CFAP69: variants seen among roughly 807,000 people sequenced by gnomAD.
The protein encoded by CFAP69 is cilia- and flagella-associated protein 69.
A neutral mutation model predicts 123.0 loss-of-function variants in CFAP69; 92 were observed. The ratio of observed to expected loss-of-function variants is 0.75; its 90% CI spans 0.63 to 0.89. The LOEUF (loss-of-function observed/expected upper bound fraction) is 0.89. Among genes scored for constraint, CFAP69 ranks in the 40% least tolerant of loss-of-function variants. The probability of loss-of-function intolerance (pLI) is 0.00; values close to 1 mark genes in which losing one functional copy is unlikely to be tolerated. For synonymous variants in CFAP69, 380 were observed against 364.3 expected, an observed-to-expected ratio of 1.04 and a Z score of -0.49; for missense variants, 1,067 against 1,096.9, an observed-to-expected ratio of 0.97 and a Z score of 0.39.
At chr7:90,276,303 G>T (rs1405287014) in intron 9 of CFAP69, among the ~76,000 whole-genome samples, 2 of 152,168 alleles carry the variant, frequency 1.3e-5, no homozygotes, top group Non-Finnish European at 2.9e-5. Flanking sequence ...CAACTTATAG[G>T]TAGACCTTTG....
intron 12 of CFAP69, among the ~76,000 whole-genome samples, chr7:90,281,451 G>T (rs1385400961): frequency 1.3e-5 from 2 of 152,110 alleles, no homozygotes; most frequent in Non-Finnish European, 2.9e-5. Context: ...ACTGGGTCAT[G>T]GAGAGACCAA....
the CFAP69 span, among the ~76,000 whole-genome samples, chr7:90,323,296 G>A: frequency 6.6e-6 from 1 of 152,218 alleles, no homozygotes; most frequent in East Asian, 1.9e-4. Flanking sequence ...TCATCATTGG[G>A]TGATCAAGAA....
chr7:90,282,595 T>C (rs895060603), intron 12 of CFAP69, among the ~76,000 whole-genome samples: 2 of 152,162 alleles, frequency 1.3e-5, no homozygotes, highest in African/African-American at 2.4e-5. Flanking sequence ...AAATTAATAA[T>C]CTAGATCTAC....
At position 90,274,058 on chromosome 7, in the gene CFAP69, A is replaced by C. The variant is rs1363336165; in HGVS notation, c.932A>C (p.Asp311Ala). The change falls in exon 9 of 23, where the codon GAC (aspartate) becomes GCC (alanine). Residue 311 changes from aspartate to alanine, a missense_variant. Physicochemically the swap from Asp to Ala is moderately radical, Grantham distance 126. Coordinates refer to ENST00000389297, the MANE Select transcript of CFAP69 (RefSeq NM_001039706.3). Reference sequence around the variant, plus strand: ...CATTATGACCGTCAGCTTAGAAATGACATATTAGTGATCACTACAATTATA... The same window carrying C: ...CATTATGACCGTCAGCTTAGAAATGCCATATTAGTGATCACTACAATTATA... ...FSHYDRQLRNDILVITTIIAQ... is the reference protein window; with the variant it reads ...FSHYDRQLRNAILVITTIIAQ... 1 of 1,606,640 alleles carries C rather than the reference A, an allele frequency of 6.2e-7. No individual in the cohort carries two copies. The highest frequency in any genetic ancestry group is 1.7e-5 in the Admixed American group (1 of 58,368).
In CFAP69 at chr7:90,306,902, T is replaced by C. The variant is rs780536504; in HGVS notation, c.2267T>C (p.Ile756Thr). 2 of 1,481,686 alleles carry C rather than the reference T, an allele frequency of 1.3e-6. No individual in the cohort carries two copies. Among genetic ancestry groups the C allele is most frequent in the East Asian group, 2.3e-5 (1 of 44,104 alleles). The allele number at this position is 1,481,686 out of a possible 1,614,324, so 91.8% of individuals were successfully genotyped here. A position where few individuals can be genotyped will look rare whatever the true frequency, so the allele number is the denominator to read the frequency against. ...CIIHRYLDFK[I>T]GEIWNEIYEE... Reference sequence around the variant, plus strand: ...CTTTGTTAAACTTTGTTATAACAGATTGGAGAAATATGGAATGAAATATAT... The same window carrying C: ...CTTTGTTAAACTTTGTTATAACAGACTGGAGAAATATGGAATGAAATATAT... The change falls in exon 20 of 23, where the codon ATT (isoleucine) becomes ACT (threonine). Residue 756 changes from isoleucine (I) to threonine (T), a missense_variant and splice_region_variant. Physicochemically the swap from Ile to Thr is moderately conservative, Grantham distance 89. Coordinates refer to ENST00000389297, the MANE Select transcript of CFAP69 (RefSeq NM_001039706.3).
In CFAP69 at chr7:90,258,081, T is replaced by C. The variant is rs1797865498; in HGVS notation, c.181-17T>C. On this transcript the variant is annotated splice_polypyrimidine_tract_variant and intron_variant, in intron 2 of 22. Coordinates refer to ENST00000389297, the MANE Select transcript of CFAP69 (RefSeq NM_001039706.3). Reference sequence around the variant, plus strand: ...ATTTAAAAGCACAAAAGAACTAAAATAGGTGATCTGTTTTAGGATGGCTTG... The same window carrying C: ...ATTTAAAAGCACAAAAGAACTAAAACAGGTGATCTGTTTTAGGATGGCTTG... The C allele has an allele frequency of 1.9e-6, 3 of 1,589,330 alleles. No individual in the cohort carries two copies. The highest frequency in any genetic ancestry group is 1.3e-5 in the African/African-American group (1 of 74,254).
At chr7:90,299,771 T>G in intron 16 of CFAP69, 96 bp from the exon 17 acceptor site, 1 of 1,021,876 alleles carries the variant, frequency 9.8e-7, no homozygotes, top group South Asian at 1.9e-5. Context: ...TAGAAGAAAC[T>G]TAATGATAAT....
chr7:90,250,507 G>T (rs978051422), intron 1 of CFAP69, among the ~76,000 whole-genome samples: 5 of 152,124 alleles, frequency 3.3e-5, no homozygotes, highest in Non-Finnish European at 7.4e-5. Flanking sequence ...AAATGAGCAG[G>T]TTTCTCCCTC....
chr7:90,320,738 A>G, the CFAP69 span: 1 of 152,466 alleles, frequency 6.6e-6, no homozygotes, highest in Non-Finnish European at 1.5e-5. Context: ...CTGAAGAGAG[A>G]AATCATACGA....
At chr7:90,246,291 A>T (rs1445416590) in intron 1 of CFAP69, among the ~76,000 whole-genome samples, 1 of 152,106 alleles carries the variant, frequency 6.6e-6, no homozygotes, top group Non-Finnish European at 1.5e-5. Context: ...TCCTACTAGG[A>T]TTCCATTGAT....
chr7:90,309,982 A>C (rs1794140336), intron 22 of CFAP69, 86 bp from the exon 23 acceptor site: 1 of 1,147,080 alleles, frequency 8.7e-7, no homozygotes, highest in Non-Finnish European at 1.3e-6. Context: ...GTGTCTTTTC[A>C]AAAGTAAGCT....
chr7:90,260,440 C>T (rs778844330), intron 3 of CFAP69, among the ~76,000 whole-genome samples: 13 of 151,900 alleles, frequency 8.6e-5, no homozygotes, highest in Non-Finnish European at 1.6e-4. Flanking sequence ...GTGGAAGGGT[C>T]GTTTGAGCCC....
chr7:90,281,483 T>C (rs184886623), intron 12 of CFAP69, among the ~76,000 whole-genome samples: 86 of 152,174 alleles, frequency 5.7e-4, no homozygotes, highest in African/African-American at 1.9e-3. Context: ...ATATGAAAGG[T>C]TGGCTTTATG....
chr7:90,312,944 G>A (rs1462845667), downstream of CFAP69: 1 of 152,190 alleles, frequency 6.6e-6, no homozygotes, highest in Non-Finnish European at 1.5e-5. Context: ...TTTACCACAT[G>A]GGGGAGCTCA....
Position 90,309,328 on chromosome 7 carries a change from A to G in CFAP69, c.2616A>G (p.Ala872=), listed in dbSNP as rs375492458. The G allele has an allele frequency of 8.2e-6, 13 of 1,590,098 alleles. No individual in the cohort carries two copies. Among genetic ancestry groups the G allele is most frequent in the African/African-American group, 5.4e-5 (4 of 74,030 alleles). Reference sequence around the variant, plus strand: ...GATACCATAAACGACCACAAAATGCAATATTTCACCAAACACATATTAAAG... The same window carrying G: ...GATACCATAAACGACCACAAAATGCGATATTTCACCAAACACATATTAAAG... ...ASRYHKRPQN[A]IFHQTHIKGL... The change falls in exon 22 of 23, where the codon GCA becomes GCG. Residue 872 remains alanine (A), a synonymous_variant. Coordinates refer to ENST00000389297, the MANE Select transcript of CFAP69 (RefSeq NM_001039706.3).
At chr7:90,264,925 C>T (rs901760725) in intron 4 of CFAP69, among the ~76,000 whole-genome samples, 4 of 152,084 alleles carry the variant, frequency 2.6e-5, no homozygotes, top group African/African-American at 9.7e-5. Flanking sequence ...TCCCGAGTAG[C>T]TGGGACTACA....
intron 17 of CFAP69, chr7:90,301,698 A>G (rs1792840977): frequency 1.3e-5 from 2 of 152,182 alleles, no homozygotes; most frequent in African/African-American, 2.4e-5. Context: ...CATGGTGTAT[A>G]TGGACCACAT....
intron 1 of CFAP69, among the ~76,000 whole-genome samples, chr7:90,251,055 G>A (rs1188501903): frequency 3.3e-5 from 5 of 151,962 alleles, no homozygotes; most frequent in Admixed American, 6.6e-5. Context: ...TCTTCTCCCA[G>A]TCTACCTCCA....
At chr7:90,312,766 GA>G (rs1257524685), downstream of CFAP69, 1 of 152,184 alleles carries the variant, frequency 6.6e-6, no homozygotes, top group Admixed American at 6.5e-5. Flanking sequence ...CCTGCCGGCT[GA>G]GAGAAGGATG....
Sources: allele counts gnomAD v4.1 joint callset (sites outside exome capture counted in the v4.1 genomes callset), GRCh38; gene constraint gnomAD v4.1.1; transcripts MANE v1.5; gene names NCBI Gene and HGNC (gene_info 2026-07-23, HGNC 2026-07-21).